Variants in OMA1 observed in about 807,000 individuals in gnomAD.
OMA1 encodes the protein metalloendopeptidase OMA1, mitochondrial.
Under a neutral mutation model 30.9 loss-of-function variants are expected in OMA1, and 38 were observed. That is an observed-to-expected ratio of 1.23 (90% confidence interval 0.95 to 1.61). OMA1 has a LOEUF of 1.61. Ranked by LOEUF, OMA1 falls within the 40% of genes most tolerant of loss-of-function variation. OMA1 has a pLI of 0.00. For synonymous variants in OMA1, 173 were observed against 121.9 expected, an observed-to-expected ratio of 1.42 and a Z score of -2.76; for missense variants, 461 against 349.2, an observed-to-expected ratio of 1.32 and a Z score of -2.55.
rs1645568854 is a variant in OMA1, at chr1:58,485,886, C to T, written c.1366-4712G>A. On this transcript the variant is annotated intron_variant, in intron 8 of 8. Coordinates refer to ENST00000371226, the MANE Select transcript of OMA1 (RefSeq NM_145243.5). ...ATGAATAAATCATTATGATAAATGT[C>T]ATAGAGAAAATACTCTTAGGAGTTT... 2.0e-5 allele frequency among the ~76,000 whole-genome samples: 3 copies of T among 152,006 alleles called. No individual in the cohort carries two copies. The South Asian group carries it at 6.2e-4, about 32-fold the overall frequency.
rs776583955 is a variant in OMA1, at chr1:58,536,788, ATATCAC to A, written c.501-53_501-48del. ...AAAGTTCTGAAAATCATTCCAGCAC[ATATCAC>A]TAAAGCTCAAATGCATACACTAGAA... On this transcript the variant is annotated intron_variant, in intron 2 of 8. Coordinates refer to ENST00000371226, the MANE Select transcript of OMA1 (RefSeq NM_145243.5). 8.4e-6 allele frequency: 7 copies of A among 834,048 alleles called. No homozygotes were observed. The South Asian group carries it at 1.0e-4, about 12-fold the overall frequency. 51.7% of individuals were successfully genotyped at this position (834,048 alleles called of 1,614,324 possible). A position where few individuals can be genotyped will look rare whatever the true frequency, so the allele number is the denominator to read the frequency against.
At chr1:58,541,167 G>A (rs1646603003) in intron 1 of OMA1, among the ~76,000 whole-genome samples, 1 of 151,402 alleles carries the variant, frequency 6.6e-6, no homozygotes, top group Non-Finnish European at 1.5e-5. Flanking sequence ...GGTGGCACTT[G>A]CCTGTAATCC....
chr1:58,534,599 GA>G (rs1437360754), intron 3 of OMA1, among the ~76,000 whole-genome samples: 1 of 152,072 alleles, frequency 6.6e-6, no homozygotes, highest in African/African-American at 2.4e-5. Flanking sequence ...AACTACAAAC[GA>G]ATACTTAAGT....
chr1:58,489,509 T>A (rs1645638550), intron 8 of OMA1, among the ~76,000 whole-genome samples: 1 of 152,086 alleles, frequency 6.6e-6, no homozygotes, highest in Non-Finnish European at 1.5e-5. Context: ...AGACTCCACC[T>A]CTGGGGGCAG....
Position 58,494,143 on chromosome 1 carries a change from A to C in OMA1, c.1365+11917T>G, listed in dbSNP as rs141345839. ...TCTACAACTATCTGATCTTTGACAA[A>C]CCTGACAAAAATAAGAAATGGGGAA... On this transcript the variant is annotated intron_variant, in intron 8 of 8. Transcript: ENST00000371226. Among the ~76,000 whole-genome samples the C allele has an allele frequency of 7.6e-3, 1,164 of 152,330 alleles. 13 individuals are homozygous for C. The highest frequency in any genetic ancestry group is 0.026 in the African/African-American group (1,086 of 41,564).
rs926768599 is a variant in OMA1 at position 58,480,907 on chromosome 1, C to G, written c.*58G>C. 4.5e-5 allele frequency: 33 copies of G among 734,562 alleles called. No individual in the cohort carries two copies. The highest frequency in any genetic ancestry group is 3.9e-4 in the Middle Eastern group (1 of 2,546). The allele number at this position is 734,562 out of a possible 1,614,324, so 45.5% of individuals were successfully genotyped here. ...TCAAACATCATTTTTTAAAAAGTAA[C>G]ATAAAATGATAAGGACTGCAACATT... On this transcript the variant is annotated 3_prime_UTR_variant, in exon 9 of 9. Transcript: ENST00000371226.
chr1:58,526,601 C>CA lies in OMA1; in HGVS notation c.1215+659dup, dbSNP rs10574530. ...GCCCAGAGCTGCTCTCTATGGCTAG[C>CA]AAAAAAAAAAAAAAAAAGCCATCTG... On this transcript the variant is annotated intron_variant, in intron 7 of 8. Coordinates refer to ENST00000371226, the MANE Select transcript of OMA1 (RefSeq NM_145243.5). 3.2e-3 allele frequency among the ~76,000 whole-genome samples: 387 copies of CA among 121,328 alleles called. 3 individuals carry two copies. The highest frequency in any genetic ancestry group is 0.011 in the African/African-American group (319 of 28,960). The allele number at this position is 121,328 out of a possible 152,430, so 79.6% of individuals were successfully genotyped here.
At chr1:58,485,240 A>T (rs962877387) in intron 8 of OMA1, among the ~76,000 whole-genome samples, 1 of 149,594 alleles carries the variant, frequency 6.7e-6, no homozygotes, top group Non-Finnish European at 1.5e-5. Context: ...AAAAAAAAAA[A>T]AAAAAAAAAA....
In OMA1 at chr1:58,497,518, C is replaced by A. The variant is rs573115853; in HGVS notation, c.1365+8542G>T. Among the ~76,000 whole-genome samples the A allele has an allele frequency of 3.3e-5, 5 of 152,212 alleles. No individual in the cohort carries two copies. In the East Asian group the frequency reaches 9.6e-4, roughly 29 times the overall value. ...ATTCCAAAATAAGACTCCAGGAGAC[C>A]AGACTATGCCACCCCAAATATGCCT... On this transcript the variant is annotated intron_variant, in intron 8 of 8. Coordinates refer to ENST00000371226, the MANE Select transcript of OMA1 (RefSeq NM_145243.5).
At chr1:58,520,490 T>C (rs1372084781) in intron 7 of OMA1, among the ~76,000 whole-genome samples, 1 of 152,082 alleles carries the variant, frequency 6.6e-6, no homozygotes, top group Non-Finnish European at 1.5e-5. Flanking sequence ...TATAAATAAT[T>C]ACAAATAAGA....
At chr1:58,489,597 G>A (rs1220472378) in intron 8 of OMA1, among the ~76,000 whole-genome samples, 2 of 152,172 alleles carry the variant, frequency 1.3e-5, no homozygotes, top group Admixed American at 6.5e-5. Flanking sequence ...GAGAGTAGTG[G>A]TTCTCCCAGC....
chr1:58,510,695 A>G (rs1244416862), intron 7 of OMA1, among the ~76,000 whole-genome samples: 2 of 152,070 alleles, frequency 1.3e-5, no homozygotes, highest in Non-Finnish European at 2.9e-5. Flanking sequence ...TTTGCAGATG[A>G]TATGATCTTA....
chr1:58,546,309 G>T lies in OMA1; in HGVS notation c.-17+394C>A, dbSNP rs552052308. ...GGCAGAGGTGCCGGGTGAGGAGCCC[G>T]AAGCCCCGCGGGTGAGAAACCCTGC... On this transcript the variant is annotated intron_variant, in intron 1 of 8. Transcript: ENST00000371226. Among the ~76,000 whole-genome samples, 294 of 152,340 alleles carry T rather than the reference G, an allele frequency of 1.9e-3. 1 individual carries two copies. Among genetic ancestry groups the T allele is most frequent in the African/African-American group, 6.1e-3 (254 of 41,584 alleles).
chr1:58,487,262 G>A (rs975960980), intron 8 of OMA1, among the ~76,000 whole-genome samples: 3 of 152,184 alleles, frequency 2.0e-5, no homozygotes, highest in African/African-American at 7.2e-5. Flanking sequence ...CAGAAGTGAA[G>A]GAAAGAGGAA....
chr1:58,506,341 G>T, intron 7 of OMA1, 132 bp from the exon 8 acceptor site: 1 of 568,772 alleles, frequency 1.8e-6, no homozygotes, highest in Non-Finnish European at 3.1e-6. Context: ...CAACGTGCAG[G>T]TTTGTTACAT....
At chr1:58,495,478 T>G (rs1015279258) in intron 8 of OMA1, among the ~76,000 whole-genome samples, 3 of 152,172 alleles carry the variant, frequency 2.0e-5, no homozygotes, top group Non-Finnish European at 4.4e-5. Context: ...TTAAATTTTA[T>G]TTTTCATATT....
intron 7 of OMA1, among the ~76,000 whole-genome samples, chr1:58,525,770 T>C (rs11807046): frequency 0.12 from 17,679 of 152,044 alleles, 1,221 homozygotes; most frequent in African/African-American, 0.18. Context: ...TCAAATCAAT[T>C]CTGCAGAACA....
At chr1:58,487,912 T>C (rs999683130) in intron 8 of OMA1, among the ~76,000 whole-genome samples, 10 of 138,046 alleles carry the variant, frequency 7.2e-5, no homozygotes, top group African/African-American at 2.2e-4. Flanking sequence ...GTACCTCTTC[T>C]CCTGATCCTA....
chr1:58,537,816 T>G (rs1569976432), intron 2 of OMA1, among the ~76,000 whole-genome samples: 1 of 152,224 alleles, frequency 6.6e-6, no homozygotes, highest in African/African-American at 2.4e-5. Context: ...TTACATGACA[T>G]TATCCTTTAT....
Sources: gnomAD v4.1 joint callset for allele counts (sites outside exome capture counted in the v4.1 genomes callset) on GRCh38, gnomAD v4.1.1 for gene constraint, MANE v1.5 for transcripts, NCBI Gene and HGNC (gene_info 2026-07-23, HGNC 2026-07-21) for gene names.